The following ARHGEF26 variants were observed in gnomAD, a reference collection of about 807,000 sequenced individuals.
ARHGEF26 encodes the protein Rho guanine nucleotide exchange factor 26.
A neutral mutation model predicts 89.4 loss-of-function variants in ARHGEF26; 59 were observed. That is an observed-to-expected ratio of 0.66 (90% confidence interval 0.54 to 0.82). The LOEUF (loss-of-function observed/expected upper bound fraction) is 0.82, where lower values mean the gene tolerates loss of function less well. Among genes scored for constraint, ARHGEF26 ranks in the 40% least tolerant of loss-of-function variants. The pLI is 0.00. For missense variants in ARHGEF26, 1,234 were observed against 1,085.6 expected (o/e 1.14, Z -1.92); for synonymous variants, 500 against 428.4 (o/e 1.17, Z -2.06).
intron 11 of ARHGEF26, among the ~76,000 whole-genome samples, chr3:154,235,712 A>G (rs1717083554): frequency 6.6e-6 from 1 of 152,296 alleles, no homozygotes; most frequent in East Asian, 1.9e-4. Context: ...TCCATACTTA[A>G]CAGATACTTT....
intron 6 of ARHGEF26, among the ~76,000 whole-genome samples, chr3:154,154,489 A>G (rs1720209589): frequency 6.6e-6 from 1 of 152,076 alleles, no homozygotes; most frequent in African/African-American, 2.4e-5. Flanking sequence ...TTTTTTATGT[A>G]TCAATTATAC....
intron 10 of ARHGEF26, among the ~76,000 whole-genome samples, chr3:154,222,525 C>G (rs1163986113): frequency 6.6e-6 from 1 of 152,210 alleles, no homozygotes; most frequent in Non-Finnish European, 1.5e-5. Context: ...GATGATAGTA[C>G]TTTCCCTCAT....
At chr3:154,220,193 G>A (rs1364960489) in intron 10 of ARHGEF26, among the ~76,000 whole-genome samples, 1 of 152,160 alleles carries the variant, frequency 6.6e-6, no homozygotes, top group African/African-American at 2.4e-5. Context: ...GAGGTTAAAT[G>A]ATTTATCCAA....
At chr3:154,197,225 T>C (rs977581929) in intron 9 of ARHGEF26, among the ~76,000 whole-genome samples, 3 of 152,182 alleles carry the variant, frequency 2.0e-5, no homozygotes, top group Non-Finnish European at 1.5e-5. Flanking sequence ...ATTAGAAATA[T>C]TCCTTCAGTC....
rs935920549 is a variant in ARHGEF26 at position 154,197,203 on chromosome 3, T to C, written c.1845+2485T>C. 3.3e-5 allele frequency among the ~76,000 whole-genome samples: 5 copies of C among 152,304 alleles called. No individual in the cohort carries two copies. In the East Asian group the frequency reaches 5.8e-4, roughly 18 times the overall value. On this transcript the variant is annotated intron_variant, in intron 9 of 14. Coordinates refer to ENST00000465093, the MANE Select transcript of ARHGEF26 (RefSeq NM_015595.4). ...ATCATTCCTTTCTCTCTATTGAGCA[T>C]GAATCATGAATATTAGAAATATTCC...
intron 11 of ARHGEF26, among the ~76,000 whole-genome samples, chr3:154,234,859 A>G (rs1021912728): frequency 1.7e-4 from 26 of 152,224 alleles, no homozygotes; most frequent in African/African-American, 6.0e-4. Context: ...TCCGCCTCTC[A>G]GGTTCACGCC....
chr3:154,147,240 A>G (rs1719758512), intron 4 of ARHGEF26, among the ~76,000 whole-genome samples: 1 of 152,162 alleles, frequency 6.6e-6, no homozygotes, highest in African/African-American at 2.4e-5. Flanking sequence ...CCCCCTCTCC[A>G]CTAAAAATAC....
chr3:154,144,007 T>G (rs1444676867), intron 4 of ARHGEF26, among the ~76,000 whole-genome samples: 1 of 152,042 alleles, frequency 6.6e-6, no homozygotes, highest in East Asian at 1.9e-4. Flanking sequence ...AAAGAGGAAT[T>G]TGTTTGGTGG....
intron 4 of ARHGEF26, among the ~76,000 whole-genome samples, chr3:154,131,673 G>T (rs1377637197): frequency 6.6e-6 from 1 of 152,168 alleles, no homozygotes; most frequent in Non-Finnish European, 1.5e-5. Flanking sequence ...TCTCTCTGTG[G>T]CAGCAGCTGG....
At position 154,225,780 on chromosome 3, in the gene ARHGEF26, G is replaced by A. The variant is rs114792486; in HGVS notation, c.1936-76G>A. 2.0e-3 allele frequency: 2,950 copies of A among 1,466,408 alleles called. 45 individuals carry two copies. The African/African-American group carries it at 0.037, about 18-fold the overall frequency. The allele number at this position is 1,466,408 out of a possible 1,614,324, so 90.8% of individuals were successfully genotyped here. The stretch of plus-strand genomic sequence containing the variant: ...ATAAGTATCATTTGTTTGAATGTAC[G>A]TTTTAGCTTTTACTTTCAGTAAACT... On this transcript the variant is annotated intron_variant, in intron 10 of 14. Coordinates refer to ENST00000465093, the MANE Select transcript of ARHGEF26 (RefSeq NM_015595.4).
chr3:154,122,980 C>A lies in ARHGEF26; in HGVS notation c.988C>A (p.Pro330Thr), dbSNP rs777096804. The A allele has an allele frequency of 6.2e-7, 1 of 1,613,760 alleles. No homozygotes were observed. The highest frequency in any genetic ancestry group is 8.5e-7 in the Non-Finnish European group (1 of 1,179,816). Residue 330 changes from proline to threonine, a missense_variant, in exon 2 of 15, where the codon CCT becomes ACT. Physicochemically the swap from Pro to Thr is conservative, Grantham distance 38. Transcript: ENST00000465093. Reference protein sequence around the residue: ...AVVSGFDFDSPTSSKKKNRMS... With the variant: ...AVVSGFDFDSTTSSKKKNRMS... ...GGTCAGTGGCTTTGATTTTGACAGT[C>A]CTACCAGCTCGAAGAAGAAGAACAG... is the stretch of plus-strand genomic sequence containing the variant.
intron 2 of ARHGEF26, 151 bp from the exon 3 acceptor site, chr3:154,124,259 C>T (rs1718182681): frequency 3.3e-6 from 2 of 606,210 alleles, no homozygotes; most frequent in African/African-American, 3.9e-5. Flanking sequence ...TCCTCCAGGG[C>T]TCAGCTTCTG....
intron 11 of ARHGEF26, among the ~76,000 whole-genome samples, chr3:154,229,928 C>T (rs1268503189): frequency 3.3e-5 from 5 of 152,030 alleles, no homozygotes; most frequent in African/African-American, 1.2e-4. Context: ...ATTATAATAT[C>T]CAATATGTGC....
chr3:154,146,685 A>G (rs1713819), intron 4 of ARHGEF26, among the ~76,000 whole-genome samples: 134,616 of 152,208 alleles, frequency 0.88, 59,616 homozygotes, highest in East Asian at 1. Context: ...TAACATTAGC[A>G]AGTTCTATGC....
Position 154,256,224 on chromosome 3 carries a change from T to C in ARHGEF26, c.*751T>C. ...TTCATATATGTGAGAAAAACCTGAA[T>C]ATAGGACAGGGGTCCTACTTTTTTC... On this transcript the variant is annotated 3_prime_UTR_variant, in exon 15 of 15. Transcript: ENST00000465093. 5 of 985,618 alleles carry C rather than the reference T, an allele frequency of 5.1e-6. No homozygotes were observed. The highest frequency in any genetic ancestry group is 6.0e-6 in the Non-Finnish European group (5 of 830,014). The allele number at this position is 985,618 out of a possible 1,614,324, so 61.1% of individuals were successfully genotyped here. A position where few individuals can be genotyped will look rare whatever the true frequency, so the allele number is the denominator to read the frequency against.
At chr3:154,251,738 C>T (rs1225013493) in intron 12 of ARHGEF26, among the ~76,000 whole-genome samples, 1 of 152,104 alleles carries the variant, frequency 6.6e-6, no homozygotes, top group African/African-American at 2.4e-5. Flanking sequence ...AATACAAAAG[C>T]ATACATACTA....
At position 154,122,068 on chromosome 3, in the gene ARHGEF26, C is replaced by T; in HGVS notation, c.76C>T (p.Pro26Ser). The change falls in exon 2 of 15, where the codon CCC (proline) becomes TCC (serine). Residue 26 changes from proline to serine, a missense_variant. By Grantham distance (74) the Pro-to-Ser change is moderately conservative (BLOSUM62 -1). Transcript: ENST00000465093. ...PLWRRRSIPQ[P>S]HQVLGRSKPR... ...GTGGCGGAGGCGGTCGATTCCTCAG[C>T]CCCACCAGGTTCTGGGCCGGAGCAA... The T allele has an allele frequency of 9.9e-6, 16 of 1,612,872 alleles. No individual in the cohort carries two copies. The highest frequency in any genetic ancestry group is 2.2e-5 in the East Asian group (1 of 44,830).
At chr3:154,195,664 A>C (rs1714246158) in intron 9 of ARHGEF26, among the ~76,000 whole-genome samples, 1 of 152,186 alleles carries the variant, frequency 6.6e-6, no homozygotes, top group African/African-American at 2.4e-5. Context: ...GAGAGTGGAT[A>C]AGTTCCATTT....
At chr3:154,141,155 C>T (rs1363333022) in intron 4 of ARHGEF26, among the ~76,000 whole-genome samples, 4 of 150,952 alleles carry the variant, frequency 2.6e-5, no homozygotes, top group Non-Finnish European at 4.4e-5. Context: ...TTAGTAGAGA[C>T]GGGGTTTCAC....
Sources: gnomAD v4.1 joint callset for allele counts (sites outside exome capture counted in the v4.1 genomes callset) on GRCh38, gnomAD v4.1.1 for gene constraint, MANE v1.5 for transcripts, NCBI Gene and HGNC (gene_info 2026-07-23, HGNC 2026-07-21) for gene names.